The following SRGAP2C variants were observed in gnomAD, a reference collection of about 807,000 sequenced individuals.
SRGAP2C encodes SLIT-ROBO Rho GTPase-activating protein 2C.
SRGAP2C carries 15 observed loss-of-function variants against 25.1 expected under a neutral mutation model. The ratio of observed to expected loss-of-function variants is 0.60; its 90% CI spans 0.40 to 0.92. The LOEUF (loss-of-function observed/expected upper bound fraction) is 0.92, where lower values mean the gene tolerates loss of function less well. SRGAP2C is among the 40% of genes least tolerant of loss of function. SRGAP2C has a pLI of 0.00. For synonymous variants in SRGAP2C, 44 were observed against 96.6 expected, an observed-to-expected ratio of 0.46 and a Z score of 3.19; for missense variants, 144 against 264.4, an observed-to-expected ratio of 0.54 and a Z score of 3.16.
At chr1:121,239,241 ATATACT>A (rs1656056167) in intron 2 of SRGAP2C, among the ~76,000 whole-genome samples, 1 of 5,064 alleles carries the variant, frequency 2.0e-4, no homozygotes, top group Admixed American at 4.7e-3. Flanking sequence ...ATATATATAT[ATATACT>A]ATATATATAT....
At position 121,250,273 on chromosome 1, in the gene SRGAP2C, C is replaced by T. The variant is rs183113492; in HGVS notation, c.68-34530C>T. ...ATGCGGACTCCCCTAAATAGAAAAA[C>T]GGGCAAAGAAAACAAACCACAGAGT... On this transcript the variant is annotated intron_variant, in intron 2 of 9. Coordinates refer to ENST00000367123, the MANE Select transcript of SRGAP2C (RefSeq NM_001329984.2). Among the ~76,000 whole-genome samples the T allele has an allele frequency of 5.1e-4, 49 of 95,294 alleles. 5 individuals carry two copies. The East Asian group carries it at 0.01, about 20-fold the overall frequency. The allele number at this position is 95,294 out of a possible 152,430, so 62.5% of individuals were successfully genotyped here.
intron 2 of SRGAP2C, among the ~76,000 whole-genome samples, chr1:121,208,042 T>G (rs1380097152): frequency 1.3e-5 from 2 of 151,312 alleles, no homozygotes; most frequent in African/African-American, 2.4e-5. Context: ...TCAAGCCTCT[T>G]CAGATATAGG....
At chr1:121,202,461 C>T (rs1173080042) in intron 2 of SRGAP2C, among the ~76,000 whole-genome samples, 9 of 144,788 alleles carry the variant, frequency 6.2e-5, no homozygotes, top group Admixed American at 3.4e-4. Context: ...CAGAGTCTTG[C>T]TCTGTCACTC....
At chr1:121,236,273 C>G (rs12118570) in intron 2 of SRGAP2C, among the ~76,000 whole-genome samples, 10 of 151,286 alleles carry the variant, frequency 6.6e-5, no homozygotes. Context: ...ATCAACAGAT[C>G]GAAAACCACC....
At chr1:121,362,467 A>C (rs1305617630) in intron 4 of SRGAP2C, among the ~76,000 whole-genome samples, 1 of 151,944 alleles carries the variant, frequency 6.6e-6, no homozygotes, top group Non-Finnish European at 1.5e-5. Context: ...GCCTGGGCTT[A>C]ATTGCTGTTT....
chr1:121,321,872 TG>T (rs1424658795), intron 3 of SRGAP2C, among the ~76,000 whole-genome samples: 3 of 152,248 alleles, frequency 2.0e-5, no homozygotes, highest in Non-Finnish European at 4.4e-5. Flanking sequence ...AGGTTGATTT[TG>T]CCTCCTCTGC....
intron 2 of SRGAP2C, among the ~76,000 whole-genome samples, chr1:121,282,637 C>T (rs1657273100): frequency 6.6e-6 from 1 of 151,974 alleles, no homozygotes; most frequent in Non-Finnish European, 1.5e-5. Flanking sequence ...TCAGTGCAAA[C>T]TCCGCCTCCC....
At chr1:121,370,740 G>A (rs1456367603) in intron 5 of SRGAP2C, among the ~76,000 whole-genome samples, 2 of 151,384 alleles carry the variant, frequency 1.3e-5, no homozygotes, top group Non-Finnish European at 2.9e-5. Context: ...CACCATGCCC[G>A]GCCTGTTCTC....
chr1:121,377,057 T>C (rs1055124), intron 7 of SRGAP2C, among the ~76,000 whole-genome samples: 8 of 149,948 alleles, frequency 5.3e-5, no homozygotes, highest in African/African-American at 1.5e-4. Context: ...TATAACCAAG[T>C]GTTTTAAAAT....
At chr1:121,287,702 G>A (rs1232588086) in intron 3 of SRGAP2C, among the ~76,000 whole-genome samples, 28 of 152,168 alleles carry the variant, frequency 1.8e-4, no homozygotes, top group African/African-American at 6.0e-4. Flanking sequence ...GCGGACCCTC[G>A]CGGTGAGTGT....
chr1:121,204,547 AC>A (rs1172078616), intron 2 of SRGAP2C, among the ~76,000 whole-genome samples: 19 of 151,854 alleles, frequency 1.3e-4, no homozygotes, highest in Admixed American at 1.2e-3. Context: ...GGCGTGAGCC[AC>A]CGTGCCCGGC....
intron 4 of SRGAP2C, among the ~76,000 whole-genome samples, chr1:121,354,533 G>T (rs1203732561): frequency 7.0e-6 from 1 of 142,042 alleles, no homozygotes; most frequent in Non-Finnish European, 1.5e-5. Flanking sequence ...AGATAGCTGG[G>T]ATTACAGGCA....
At chr1:121,212,270 A>G (rs1349827693) in intron 2 of SRGAP2C, among the ~76,000 whole-genome samples, 4 of 139,294 alleles carry the variant, frequency 2.9e-5, no homozygotes, top group Non-Finnish European at 4.7e-5. Context: ...AGCTGGGACT[A>G]CAGGCGCCCG....
At chr1:121,309,082 A>AGT (rs1657916598) in intron 3 of SRGAP2C, among the ~76,000 whole-genome samples, 3 of 130,504 alleles carry the variant, frequency 2.3e-5, no homozygotes, top group African/African-American at 8.7e-5. Context: ...TGTGGGTATG[A>AGT]ATTCATTGTG....
At chr1:121,298,284 C>G (rs1184597150) in intron 3 of SRGAP2C, among the ~76,000 whole-genome samples, 1 of 152,162 alleles carries the variant, frequency 6.6e-6, no homozygotes, top group East Asian at 1.9e-4. Flanking sequence ...CATACAACCA[C>G]TCTCTGATTT....
Position 121,295,734 on chromosome 1 carries a change from TTTGTTG to T in SRGAP2C, c.260+10766_260+10771del, listed in dbSNP as rs1217576526. Among the ~76,000 whole-genome samples the T allele has an allele frequency of 2.6e-3, 389 of 150,072 alleles. 1 individual carries two copies. Among genetic ancestry groups the T allele is most frequent in the Non-Finnish European group, 4.0e-3 (270 of 67,570 alleles). ...AGAAATAGAGAGGGGCTTTTTTGTT[TTTGTTG>T]TTGTTGTTGTTGTTGTTGTTGTTGT... On this transcript the variant is annotated intron_variant, in intron 3 of 9. Transcript: ENST00000367123.
At chr1:121,268,381 G>A (rs587656554) in intron 2 of SRGAP2C, among the ~76,000 whole-genome samples, 56 of 151,884 alleles carry the variant, frequency 3.7e-4, no homozygotes, top group Admixed American at 1.9e-3. Flanking sequence ...GGGCCAGTGA[G>A]TAAGGGTGAA....
chr1:121,201,868 G>T (rs181405899), intron 2 of SRGAP2C, among the ~76,000 whole-genome samples: 1 of 152,210 alleles, frequency 6.6e-6, no homozygotes, highest in African/African-American at 2.4e-5. Context: ...TGGAGTAGGA[G>T]TGAGGAGCTA....
intron 2 of SRGAP2C, among the ~76,000 whole-genome samples, chr1:121,211,416 T>TACAC (rs200891136): frequency 0.016 from 2,027 of 130,130 alleles, 16 homozygotes; most frequent in East Asian, 0.031. Flanking sequence ...TATATACACA[T>TACAC]ACACACACAC....
Sources: gnomAD v4.1 joint callset for allele counts (sites outside exome capture counted in the v4.1 genomes callset) on GRCh38, gnomAD v4.1.1 for gene constraint, MANE v1.5 for transcripts, NCBI Gene and HGNC (gene_info 2026-07-23, HGNC 2026-07-21) for gene names.